Variants in HS6ST3 observed in about 807,000 individuals in gnomAD.
HS6ST3 encodes heparan sulfate 6-O-sulfotransferase 3, also known as heparan-sulfate 6-O-sulfotransferase 3.
HS6ST3 carries 12 observed loss-of-function variants against 36.7 expected under a neutral mutation model. The observed-to-expected ratio is 0.33, with a 90% CI of 0.21 to 0.53. The LOEUF is 0.53. HS6ST3 is among the 20% of genes least tolerant of loss of function. The pLI is 0.95. For missense variants in HS6ST3, 584 were observed against 640.9 expected (o/e 0.91, Z 0.96); for synonymous variants, 240 against 257.5 (o/e 0.93, Z 0.65).
At chr13:96,520,830 TC>T (rs2056090504) in intron 1 of HS6ST3, among the ~76,000 whole-genome samples, 2 of 152,158 alleles carry the variant, frequency 1.3e-5, no homozygotes, top group Non-Finnish European at 2.9e-5. Context: ...TATTTGAATA[TC>T]CTTTATTGCT....
At chr13:96,795,040 A>C (rs1877876271) in intron 1 of HS6ST3, among the ~76,000 whole-genome samples, 1 of 152,008 alleles carries the variant, frequency 6.6e-6, no homozygotes, top group Admixed American at 6.6e-5. Flanking sequence ...TTAGTACCCT[A>C]CTGTCTGGTT....
chr13:96,268,098 T>C (rs947092699), intron 1 of HS6ST3, among the ~76,000 whole-genome samples: 4 of 151,926 alleles, frequency 2.6e-5, no homozygotes, highest in African/African-American at 9.7e-5. Context: ...CTCTCATGAT[T>C]TCTAATTGTA....
At chr13:96,707,312 C>T (rs1318465267) in intron 1 of HS6ST3, among the ~76,000 whole-genome samples, 6 of 152,130 alleles carry the variant, frequency 3.9e-5, no homozygotes, top group Non-Finnish European at 7.4e-5. Context: ...GGAAAGAGGC[C>T]TCACACCAAG....
intron 1 of HS6ST3, among the ~76,000 whole-genome samples, chr13:96,235,645 C>A (rs1205898940): frequency 6.6e-6 from 1 of 152,022 alleles, no homozygotes; most frequent in African/African-American, 2.4e-5. Context: ...GCAATCTCCT[C>A]CCCCAACCAC....
chr13:96,493,444 C>G (rs145877510), intron 1 of HS6ST3, among the ~76,000 whole-genome samples: 16 of 152,020 alleles, frequency 1.1e-4, no homozygotes, highest in Non-Finnish European at 1.9e-4. Context: ...GGAGGTTTTA[C>G]GGGGTTTAAA....
chr13:96,702,891 G>A (rs1381646834), intron 1 of HS6ST3, among the ~76,000 whole-genome samples: 1 of 152,176 alleles, frequency 6.6e-6, no homozygotes, highest in Non-Finnish European at 1.5e-5. Flanking sequence ...TCCGAAGCAG[G>A]AATGATATAC....
intron 1 of HS6ST3, among the ~76,000 whole-genome samples, chr13:96,466,329 C>A (rs912502476): frequency 3.3e-5 from 5 of 152,016 alleles, no homozygotes; most frequent in Non-Finnish European, 7.4e-5. Context: ...GTGTACAATT[C>A]GATTACTGTA....
intron 1 of HS6ST3, among the ~76,000 whole-genome samples, chr13:96,409,927 A>C (rs1372447323): frequency 1.3e-5 from 2 of 152,206 alleles, no homozygotes; most frequent in Non-Finnish European, 2.9e-5. Context: ...GACTGAAATA[A>C]ATTTTAGTGG....
At chr13:96,818,969 T>G (rs1486878174) in intron 1 of HS6ST3, among the ~76,000 whole-genome samples, 2 of 152,194 alleles carry the variant, frequency 1.3e-5, no homozygotes, top group Non-Finnish European at 2.9e-5. Context: ...GTGTTGAAAC[T>G]TCTTAAGTAT....
chr13:96,483,184 T>A (rs1178008735), intron 1 of HS6ST3, among the ~76,000 whole-genome samples: 1 of 152,140 alleles, frequency 6.6e-6, no homozygotes, highest in Non-Finnish European at 1.5e-5. Flanking sequence ...CATTTAACTG[T>A]GGGAATGGTC....
Position 96,678,434 on chromosome 13 carries a change from G to A in HS6ST3, c.708-154056G>A, listed in dbSNP as rs533028827. Among the ~76,000 whole-genome samples, 6 of 152,194 alleles carry A rather than the reference G, an allele frequency of 3.9e-5. No individual in the cohort carries two copies. In the South Asian group the frequency reaches 1.0e-3, roughly 26 times the overall value. On this transcript the variant is annotated intron_variant, in intron 1 of 1. Coordinates refer to ENST00000376705, the MANE Select transcript of HS6ST3 (RefSeq NM_153456.4). ...TCATGCCTGTAATCTCAGCACTTTG[G>A]GAGGCCGAGGCAGGTGGATCATGAG...
intron 1 of HS6ST3, among the ~76,000 whole-genome samples, chr13:96,411,059 G>C (rs1434579072): frequency 6.6e-6 from 1 of 152,152 alleles, no homozygotes; most frequent in Admixed American, 6.5e-5. Flanking sequence ...TGGGATTTGG[G>C]TGAAAAAAGT....
intron 1 of HS6ST3, among the ~76,000 whole-genome samples, chr13:96,276,971 TA>T (rs1814590210): frequency 6.6e-6 from 1 of 152,144 alleles, no homozygotes; most frequent in South Asian, 2.1e-4. Context: ...TCTTGTTGGA[TA>T]AATACTGCCA....
At chr13:96,561,860 TA>T (rs2056263594) in intron 1 of HS6ST3, among the ~76,000 whole-genome samples, 2 of 152,098 alleles carry the variant, frequency 1.3e-5, no homozygotes, top group African/African-American at 4.8e-5. Context: ...TGTCTGTTAT[TA>T]AAAAGTCAAA....
At chr13:96,463,471 T>C (rs1171477805) in intron 1 of HS6ST3, among the ~76,000 whole-genome samples, 1 of 151,950 alleles carries the variant, frequency 6.6e-6, no homozygotes, top group Non-Finnish European at 1.5e-5. Context: ...AATTTAAAAG[T>C]GAAAGAGAAA....
chr13:96,301,921 TAA>T (rs1449052036), intron 1 of HS6ST3, among the ~76,000 whole-genome samples: 1 of 147,012 alleles, frequency 6.8e-6, no homozygotes, highest in Non-Finnish European at 1.5e-5. Context: ...ATAATAATAA[TAA>T]TAATAATAAT....
At chr13:96,557,641 A>G (rs2056246021) in intron 1 of HS6ST3, among the ~76,000 whole-genome samples, 1 of 152,162 alleles carries the variant, frequency 6.6e-6, no homozygotes, top group Non-Finnish European at 1.5e-5. Flanking sequence ...CATCATCCCA[A>G]GCTCTTAGTG....
intron 1 of HS6ST3, among the ~76,000 whole-genome samples, chr13:96,278,649 C>T (rs1036872108): frequency 3.9e-5 from 6 of 152,172 alleles, no homozygotes; most frequent in African/African-American, 1.4e-4. Flanking sequence ...TGAAGTTTCG[C>T]ATCAACTGCT....
chr13:96,724,212 G>A (rs1875927365), intron 1 of HS6ST3, among the ~76,000 whole-genome samples: 1 of 152,128 alleles, frequency 6.6e-6, no homozygotes, highest in East Asian at 1.9e-4. Context: ...TATTGTATGG[G>A]TACGCTAAAA....
Sources: gnomAD v4.1 joint callset for allele counts (sites outside exome capture counted in the v4.1 genomes callset) on GRCh38, gnomAD v4.1.1 for gene constraint, MANE v1.5 for transcripts, NCBI Gene and HGNC (gene_info 2026-07-23, HGNC 2026-07-21) for gene names.